ANXA2: variants seen among roughly 807,000 people sequenced by gnomAD.
ANXA2 encodes annexin II.
A neutral mutation model predicts 47.3 loss-of-function variants in ANXA2; 28 were observed. The observed-to-expected ratio is 0.59, with a 90% CI of 0.44 to 0.81. The LOEUF is 0.81. Ranked by LOEUF, ANXA2 falls within the 40% of genes least tolerant of loss-of-function variation. The pLI is 0.00. For synonymous variants in ANXA2, 172 were observed against 155.5 expected, an observed-to-expected ratio of 1.11 and a Z score of -0.79; for missense variants, 384 against 414.3, an observed-to-expected ratio of 0.93 and a Z score of 0.64.
intron 12 of ANXA2, among the ~76,000 whole-genome samples, chr15:60,347,914 G>T (rs934491373): frequency 6.6e-6 from 1 of 152,210 alleles, no homozygotes; most frequent in Non-Finnish European, 1.5e-5. Flanking sequence ...GACACTCAAG[G>T]CTCCTTAGGA....
At chr15:60,368,142 C>T (rs2062661136) in intron 3 of ANXA2, among the ~76,000 whole-genome samples, 2 of 143,592 alleles carry the variant, frequency 1.4e-5, no homozygotes, top group South Asian at 4.5e-4. Context: ...TCACCACTCC[C>T]TAATCTTAAG....
intron 1 of ANXA2, chr15:60,393,038 C>G (rs1028863958): frequency 3.0e-5 from 38 of 1,286,258 alleles, no homozygotes; most frequent in Admixed American, 1.8e-4. Context: ...TTATCAGAAC[C>G]TTTTTGAAAG....
chr15:60,360,807 C>T (rs1401852045), intron 5 of ANXA2, 134 bp downstream of exon 5: 8 of 644,636 alleles, frequency 1.2e-5, no homozygotes, highest in Non-Finnish European at 2.2e-5. Context: ...AGACATATAA[C>T]TTCAGTTCAT....
chr15:60,349,666 C>A (rs1209543817), intron 11 of ANXA2, among the ~76,000 whole-genome samples: 2 of 149,946 alleles, frequency 1.3e-5, no homozygotes, highest in Non-Finnish European at 1.5e-5. Flanking sequence ...TTCATGTAAC[C>A]GAACACTACT....
Position 60,351,767 on chromosome 15 carries a change from C to A in ANXA2, c.735G>T (p.Arg245Ser), listed in dbSNP as rs1896022764. 6.2e-7 allele frequency: 1 copy of A among 1,613,950 alleles called. No homozygotes were observed. Residue 245 changes from arginine (R) to serine (S), a missense_variant, in exon 10 of 13, where the codon AGG (arginine) becomes AGT (serine). Physicochemically the swap from Arg to Ser is moderately radical, Grantham distance 110. Coordinates refer to ENST00000451270, the MANE Select transcript of ANXA2 (RefSeq NM_004039.3). ...YSPYDMLESIRKEVKGDLENA... is the reference protein window; with the variant it reads ...YSPYDMLESISKEVKGDLENA... ...TTTCCAGGTCTCCTTTAACCTCTTT[C>A]CTGATGCTTTCCAACATGTCATAAG... is the stretch of plus-strand genomic sequence containing the variant.
intron 11 of ANXA2, among the ~76,000 whole-genome samples, chr15:60,350,798 G>A (rs1895973867): frequency 6.6e-6 from 1 of 152,120 alleles, no homozygotes; most frequent in African/African-American, 2.4e-5. Flanking sequence ...AGGTTGTTAT[G>A]CAATGATTTA....
At chr15:60,377,201 T>C (rs2062792093) in intron 3 of ANXA2, among the ~76,000 whole-genome samples, 3 of 152,194 alleles carry the variant, frequency 2.0e-5, no homozygotes, top group South Asian at 4.1e-4. Flanking sequence ...AAAAAGAAGG[T>C]AAGATCTTAA....
intron 3 of ANXA2, among the ~76,000 whole-genome samples, chr15:60,365,094 T>G (rs1326502351): frequency 2.3e-5 from 3 of 128,360 alleles, no homozygotes; most frequent in Non-Finnish European, 5.3e-5. Context: ...TCACACTTAT[T>G]GAAGACAAAA....
At position 60,372,692 on chromosome 15, in the gene ANXA2, CT is replaced by C. The variant is rs574095449; in HGVS notation, c.149-8170del. On this transcript the variant is annotated intron_variant, in intron 3 of 12. Transcript: ENST00000451270. ...CTTGTATTCAGCTCAACAATCTTTC[CT>C]TTTTTTTTTTTTTTTTTTTAAACAG... Among the ~76,000 whole-genome samples, 1,263 of 132,718 alleles carry C rather than the reference CT, an allele frequency of 9.5e-3. 5 individuals carry two copies. The highest frequency in any genetic ancestry group is 0.011 in the Non-Finnish European group (683 of 61,292). The allele number at this position is 132,718 out of a possible 152,430, so 87.1% of individuals were successfully genotyped here.
At chr15:60,397,810 C>A in intron 1 of ANXA2, 133 bp downstream of exon 1, 1 of 1,340,698 alleles carries the variant, frequency 7.5e-7, no homozygotes, top group Non-Finnish European at 9.6e-7. Context: ...GCCGTCCCTT[C>A]AGCCCCCTGC....
chr15:60,350,479 T>C (rs1282263189), intron 11 of ANXA2, among the ~76,000 whole-genome samples: 1 of 152,162 alleles, frequency 6.6e-6, no homozygotes, highest in Non-Finnish European at 1.5e-5. Context: ...TTCCAGAGCA[T>C]CAGAGCGAAG....
chr15:60,383,656 G>C (rs1025198795), intron 2 of ANXA2: 3 of 152,274 alleles, frequency 2.0e-5, no homozygotes, highest in African/African-American at 7.2e-5. Flanking sequence ...TTGGCTGATG[G>C]CTGGTGGAGG....
At chr15:60,383,852 C>G (rs2062898008) in intron 2 of ANXA2, 2 of 152,274 alleles carry the variant, frequency 1.3e-5, no homozygotes, top group Admixed American at 6.5e-5. Context: ...ACCCAGCACC[C>G]ACGCCATTCC....
chr15:60,389,112 C>A (rs1476470964), intron 1 of ANXA2, among the ~76,000 whole-genome samples: 2 of 152,096 alleles, frequency 1.3e-5, no homozygotes, highest in African/African-American at 4.8e-5. Flanking sequence ...TAACTATCAC[C>A]CCTGGACTCA....
chr15:60,390,845 G>C (rs1054322233), intron 1 of ANXA2, among the ~76,000 whole-genome samples: 1 of 152,178 alleles, frequency 6.6e-6, no homozygotes, highest in Non-Finnish European at 1.5e-5. Flanking sequence ...TCGCTGGAAG[G>C]AACAGTTGGC....
intron 1 of ANXA2, chr15:60,393,370 G>C (rs1595713216): frequency 1.0e-6 from 1 of 997,494 alleles, no homozygotes; most frequent in East Asian, 1.1e-4. Flanking sequence ...GGAAATCCAG[G>C]CCTTCAAGTC....
At chr15:60,347,743 C>T in intron 12 of ANXA2, 54 bp from the exon 13 acceptor site, 1 of 1,481,400 alleles carries the variant, frequency 6.8e-7, no homozygotes, top group Non-Finnish European at 9.4e-7. Flanking sequence ...AGCCCAGACT[C>T]CTCAATAACA....
intron 3 of ANXA2, among the ~76,000 whole-genome samples, chr15:60,376,992 G>A (rs144065193): frequency 1.3e-5 from 2 of 152,364 alleles, no homozygotes; most frequent in African/African-American, 4.8e-5. Context: ...CCGTCTAGGA[G>A]AGAAAGAGGG....
chr15:60,376,350 A>C (rs1361740418), intron 3 of ANXA2, among the ~76,000 whole-genome samples: 2 of 152,010 alleles, frequency 1.3e-5, no homozygotes, highest in Non-Finnish European at 2.9e-5. Flanking sequence ...ATTGCACTCC[A>C]GCCTGGGCAA....
Sources: allele counts gnomAD v4.1 joint callset (sites outside exome capture counted in the v4.1 genomes callset), GRCh38; gene constraint gnomAD v4.1.1; transcripts MANE v1.5; gene names NCBI Gene and HGNC (gene_info 2026-07-23, HGNC 2026-07-21).